Variants in HIPK3 observed in about 807,000 individuals in gnomAD.
HIPK3 encodes the protein homeodomain interacting protein kinase 3.
HIPK3 carries 47 observed loss-of-function variants against 124.2 expected under a neutral mutation model. The observed-to-expected ratio is 0.38, with a 90% CI of 0.30 to 0.48. The LOEUF (loss-of-function observed/expected upper bound fraction) is 0.48. HIPK3 is among the 20% of genes least tolerant of loss of function. The pLI, the probability that HIPK3 is intolerant of heterozygous loss-of-function variation, is 0.98. For missense variants in HIPK3, 1,286 were observed against 1,454.3 expected (o/e 0.88, Z 1.88); for synonymous variants, 482 against 515.2 (o/e 0.94, Z 0.87).
At chr11:33,339,627 C>A in intron 6 of HIPK3, 93 bp downstream of exon 6, 1 of 900,754 alleles carries the variant, frequency 1.1e-6, no homozygotes, top group Non-Finnish European at 1.7e-6. Flanking sequence ...CTTCATTAAA[C>A]ACAAGTAACC....
chr11:33,332,882 G>A (rs887455172), intron 3 of HIPK3, among the ~76,000 whole-genome samples: 1 of 152,176 alleles, frequency 6.6e-6, no homozygotes, highest in Non-Finnish European at 1.5e-5. Flanking sequence ...TCCAGCATGT[G>A]CTTCTGGTGA....
chr11:33,331,188 T>G (rs537765156), intron 3 of HIPK3, among the ~76,000 whole-genome samples: 2 of 151,754 alleles, frequency 1.3e-5, no homozygotes, highest in African/African-American at 4.8e-5. Flanking sequence ...TGGCCACATA[T>G]GTTTCTCAGA....
At chr11:33,325,329 C>T (rs971972570) in intron 2 of HIPK3, among the ~76,000 whole-genome samples, 1 of 152,176 alleles carries the variant, frequency 6.6e-6, no homozygotes, top group African/African-American at 2.4e-5. Flanking sequence ...AAAAGTTCTA[C>T]ACCGAAAAAT....
chr11:33,292,913 A>G (rs1403213297), intron 2 of HIPK3, among the ~76,000 whole-genome samples: 3 of 151,940 alleles, frequency 2.0e-5, no homozygotes, highest in Admixed American at 6.6e-5. Context: ...TTTGTTTTGT[A>G]TTTTTGGTAG....
At chr11:33,349,875 C>CT (rs1277741061) in intron 14 of HIPK3, among the ~76,000 whole-genome samples, 2 of 152,162 alleles carry the variant, frequency 1.3e-5, no homozygotes, top group African/African-American at 2.4e-5. Context: ...TCAAGTGAGT[C>CT]TCCTGCCTCA....
Position 33,356,844 on chromosome 11 carries a change from T to C in HIPK3, c.*3276T>C, listed in dbSNP as rs1853831174. On this transcript the variant is annotated 3_prime_UTR_variant, in exon 17 of 17. Transcript: ENST00000303296. ...GGGAAAATTTTATGGATGTAATGTC[T>C]ATTACGGTTTGCGATAGTATTTCTC... is the stretch of plus-strand genomic sequence containing the variant. 6.6e-6 allele frequency: 1 copy of C among 152,154 alleles called. No homozygotes were observed. The highest frequency in any genetic ancestry group is 2.1e-4 in the South Asian group (1 of 4,832). 9.4% of individuals were successfully genotyped at this position (152,154 alleles called of 1,614,324 possible). A position where few individuals can be genotyped will look rare whatever the true frequency, so the allele number is the denominator to read the frequency against.
Position 33,348,001 on chromosome 11 carries a change from A to C in HIPK3, c.2294A>C (p.Gln765Pro). The change falls in exon 11 of 17, where the codon CAG becomes CCG. Residue 765 changes from glutamine to proline, a missense_variant. Around this residue, in one of 3 missense-constraint regions of HIPK3, gnomAD observed 810 missense variants for 864.9 expected, o/e 0.94. Coordinates refer to ENST00000303296, the MANE Select transcript of HIPK3 (RefSeq NM_005734.5). ...PQPATTKKNK[Q>P]CQNRGILVKL... is the part of the protein sequence containing the mutation. The stretch of plus-strand genomic sequence containing the variant: ...CCTGCCACTACCAAGAAAAATAAAC[A>C]GTGCCAGAACAGGTTGGTATTGGTG... The C allele has an allele frequency of 6.2e-7, 1 of 1,614,190 alleles. No individual in the cohort carries two copies. The highest frequency in any genetic ancestry group is 8.5e-7 in the Non-Finnish European group (1 of 1,180,014).
intron 8 of HIPK3, 100 bp from the exon 9 acceptor site, chr11:33,347,193 A>AATTTT: frequency 8.4e-7 from 1 of 1,186,326 alleles, no homozygotes; most frequent in Non-Finnish European, 1.2e-6. Flanking sequence ...AAAAAAAAAA[A>AATTTT]TCTGTCAGAA....
chr11:33,348,219 C>T lies in HIPK3; in HGVS notation c.2360C>T (p.Ala787Val). The T allele has an allele frequency of 6.2e-7, 1 of 1,613,210 alleles. No individual in the cohort carries two copies. The highest frequency in any genetic ancestry group is 8.5e-7 in the Non-Finnish European group (1 of 1,179,358). The change falls in exon 12 of 17, where the codon GCT (alanine) becomes GTT (valine). Residue 787 changes from alanine to valine, a missense_variant. By Grantham distance (64) the Ala-to-Val change is moderately conservative. This residue lies in a region of HIPK3 where 810 missense variants were observed against 864.9 expected (regional missense o/e 0.94). Transcript: ENST00000303296. ...GAGCCAGGAAGAGAGGAAATAAATG[C>T]TTTCAGTTGGTAAGATTGTCTTTAT... Reference protein sequence around the residue: ...EWEPGREEINAFSWSNSLQNT... With the variant: ...EWEPGREEINVFSWSNSLQNT...
upstream of HIPK3, among the ~76,000 whole-genome samples, chr11:33,256,999 GC>G (rs1850681159): frequency 6.6e-6 from 1 of 152,200 alleles, no homozygotes; most frequent in Non-Finnish European, 1.5e-5. Flanking sequence ...ATCTCGAAAG[GC>G]CTGTAAAATC....
intron 2 of HIPK3, among the ~76,000 whole-genome samples, chr11:33,302,030 G>T (rs1407988981): frequency 6.6e-6 from 1 of 152,130 alleles, no homozygotes; most frequent in African/African-American, 2.4e-5. Flanking sequence ...AGAGGGAGAA[G>T]CAATACTACT....
intron 1 of HIPK3, among the ~76,000 whole-genome samples, chr11:33,274,634 G>A (rs2133882455): frequency 1.3e-5 from 2 of 152,080 alleles, no homozygotes; most frequent in East Asian, 3.9e-4. Context: ...TTTCTGTCAG[G>A]GTTTCCATTT....
upstream of HIPK3, chr11:33,257,293 G>A (rs969452382): frequency 2.0e-6 from 2 of 983,356 alleles, no homozygotes; most frequent in African/African-American, 3.5e-5. Context: ...CGGGCTGGGC[G>A]CGCAGCGCTG....
At chr11:33,270,642 G>A (rs188959939) in intron 1 of HIPK3, among the ~76,000 whole-genome samples, 372 of 152,144 alleles carry the variant, frequency 2.4e-3, no homozygotes, top group African/African-American at 8.4e-3. Flanking sequence ...AGAACATTAC[G>A]CTGCTATTTA....
At chr11:33,265,774 A>C (rs1423713992) in intron 1 of HIPK3, among the ~76,000 whole-genome samples, 1 of 19,028 alleles carries the variant, frequency 5.3e-5, no homozygotes. Flanking sequence ...CCTTGTCTCA[A>C]AAAAAAAAAA....
chr11:33,325,304 C>T (rs1228633637), intron 2 of HIPK3, among the ~76,000 whole-genome samples: 1 of 151,954 alleles, frequency 6.6e-6, no homozygotes, highest in Non-Finnish European at 1.5e-5. Flanking sequence ...TCCTTTATTG[C>T]CAAATGCGAT....
At chr11:33,304,408 T>G (rs1377039778) in intron 2 of HIPK3, among the ~76,000 whole-genome samples, 1 of 151,960 alleles carries the variant, frequency 6.6e-6, no homozygotes, top group Non-Finnish European at 1.5e-5. Context: ...AAATACAAAA[T>G]TAGCTGGGCT....
chr11:33,353,067 A>AT (rs372470144), intron 16 of HIPK3, 25 bp from the exon 17 acceptor site: 61,093 of 940,656 alleles, frequency 0.065, 44 homozygotes, highest in South Asian at 0.084. Context: ...TTATTCAGTC[A>AT]TTTTTTTTTT....
At chr11:33,266,058 CAAAAA>C (rs541701602) in intron 1 of HIPK3, among the ~76,000 whole-genome samples, 26 of 49,632 alleles carry the variant, frequency 5.2e-4, no homozygotes, top group Non-Finnish European at 9.4e-4. Context: ...GACTCCATCT[CAAAAA>C]AAAAAAAAAA....
Sources: allele counts gnomAD v4.1 joint callset (sites outside exome capture counted in the v4.1 genomes callset), GRCh38; gene constraint gnomAD v4.1.1; regional missense constraint gnomAD v4.1.1; transcripts MANE v1.5; gene names NCBI Gene and HGNC (gene_info 2026-07-23, HGNC 2026-07-21).